Variants in ZBTB1 observed in about 807,000 individuals in gnomAD.
ZBTB1 encodes the protein zinc finger and BTB domain containing 1, also known as zinc finger and BTB domain-containing protein 1.
Under a neutral mutation model 51.6 loss-of-function variants are expected in ZBTB1, and 13 were observed. The ratio of observed to expected loss-of-function variants is 0.25; its 90% CI spans 0.16 to 0.40. The LOEUF (loss-of-function observed/expected upper bound fraction) is 0.40, where lower values mean the gene tolerates loss of function less well. Among genes scored for constraint, ZBTB1 ranks in the 10% least tolerant of loss-of-function variants. The pLI is 1.00. For missense variants in ZBTB1, 567 were observed against 856.5 expected (o/e 0.66, Z 4.22); for synonymous variants, 240 against 282.2 (o/e 0.85, Z 1.50).
At chr14:64,518,935 T>G (rs1449273537) in intron 1 of ZBTB1, among the ~76,000 whole-genome samples, 1 of 138,588 alleles carries the variant, frequency 7.2e-6, no homozygotes, top group African/African-American at 2.6e-5. Flanking sequence ...TATATATATA[T>G]AGTATGATAC....
In ZBTB1 at chr14:64,522,986, T is replaced by C. The variant is rs747383113; in HGVS notation, c.1482T>C (p.Pro494=). The C allele has an allele frequency of 2.5e-6, 4 of 1,614,220 alleles. No homozygotes were observed. Among genetic ancestry groups the C allele is most frequent in the Non-Finnish European group, 3.4e-6 (4 of 1,180,038 alleles). The change falls in exon 2 of 2, where the codon CCT becomes CCC. Residue 494 remains proline (P), a synonymous_variant. Transcript: ENST00000683701. The part of the protein sequence containing the change: ...TEEKMDLEEN[P]DEQSEIRDMF... The stretch of plus-strand genomic sequence containing the variant: ...AGAAAATGGACTTGGAAGAGAATCC[T>C]GATGAGCAGTCCGAAATAAGAGATA...
At chr14:64,518,208 T>A (rs1472000286) in intron 1 of ZBTB1, 1 of 152,152 alleles carries the variant, frequency 6.6e-6, no homozygotes, top group Non-Finnish European at 1.5e-5. Context: ...TAAGACTCCT[T>A]TTTTTACTAG....
upstream of ZBTB1, chr14:64,504,738 C>T: frequency 2.7e-6 from 1 of 374,322 alleles, no homozygotes; most frequent in Non-Finnish European, 4.7e-6. Flanking sequence ...TGCGGTGCGG[C>T]AGGCGCGGCT....
chr14:64,521,766 A>G lies in ZBTB1; in HGVS notation c.262A>G (p.Met88Val). Residue 88 changes from methionine to valine, a missense_variant, in exon 2 of 2, where the codon ATG becomes GTG. Coordinates refer to ENST00000683701, the MANE Select transcript of ZBTB1 (RefSeq NM_001123329.2). ...ILQFMYLGKI[M>V]TAPSSFEQFK... The stretch of plus-strand genomic sequence containing the variant: ...GCAGTTTATGTATTTAGGAAAAATT[A>G]TGACAGCTCCCTCCAGTTTTGAGCA... The G allele has an allele frequency of 1.9e-6, 3 of 1,612,596 alleles. No homozygotes were observed. Among genetic ancestry groups the G allele is most frequent in the Non-Finnish European group, 2.5e-6 (3 of 1,180,040 alleles).
downstream of ZBTB1, among the ~76,000 whole-genome samples, chr14:64,525,694 T>A (rs1172516609): frequency 6.6e-6 from 1 of 152,148 alleles, no homozygotes; most frequent in African/African-American, 2.4e-5. Context: ...GGGGCTTAAT[T>A]TAGTCTTTTG....
chr14:64,505,132 C>G, intron 1 of ZBTB1, 186 bp downstream of exon 1: 1 of 342,116 alleles, frequency 2.9e-6, no homozygotes. Flanking sequence ...GTTGCCGGCG[C>G]GTCAGGTCCC....
upstream of ZBTB1, among the ~76,000 whole-genome samples, chr14:64,504,295 A>ACGGGGCAGGGCGAGGTTGC (rs2079598423): frequency 6.6e-6 from 1 of 151,888 alleles, no homozygotes; most frequent in African/African-American, 2.4e-5. Flanking sequence ...CCCTGAACCG[A>ACGGGGCAGGGCGAGGTTGC]CGGGGCAGGG....
At chr14:64,507,071 G>T (rs2079671450) in intron 1 of ZBTB1, among the ~76,000 whole-genome samples, 1 of 152,122 alleles carries the variant, frequency 6.6e-6, no homozygotes, top group Non-Finnish European at 1.5e-5. Flanking sequence ...TTTCAGACTT[G>T]CCCTCTAGCC....
exon 3 of ZBTB1, chr14:64,532,162 T>TACA: frequency 2.6e-6 from 1 of 387,428 alleles, no homozygotes; most frequent in Middle Eastern, 4.3e-4. Context: ...AGAAAATTCA[T>TACA]ACAACATCAG....
rs372364671 is a variant in ZBTB1 at position 64,523,488 on chromosome 14, A to G, written c.1984A>G (p.Thr662Ala). The stretch of plus-strand genomic sequence containing the variant: ...GATTTCTCATTTATCTGCTGGTGAG[A>G]CTATATGCCAGGTCTGCTTTCAGAT... ...HMISHLSAGETICQVCFQIFP... is the reference protein window; with the variant it reads ...HMISHLSAGEAICQVCFQIFP... Residue 662 changes from threonine to alanine, a missense_variant, in exon 2 of 2, where the codon ACT (threonine) becomes GCT (alanine). Thr to Ala is a moderately conservative substitution (Grantham distance 58, BLOSUM62 0). Around this residue, in one of 5 missense-constraint regions of ZBTB1, gnomAD observed 69 missense variants for 171.8 expected, o/e 0.40. Coordinates refer to ENST00000683701, the MANE Select transcript of ZBTB1 (RefSeq NM_001123329.2). This position sits in a 1 kb window ranked among gnomAD's most constrained non-coding sequence, Gnocchi z 4.5. 2.5e-5 allele frequency: 41 copies of G among 1,612,788 alleles called. No individual in the cohort carries two copies. The highest frequency in any genetic ancestry group is 3.5e-5 in the Non-Finnish European group (41 of 1,179,318).
chr14:64,508,510 C>T (rs138561657), intron 1 of ZBTB1, among the ~76,000 whole-genome samples: 1 of 152,256 alleles, frequency 6.6e-6, no homozygotes, highest in East Asian at 1.9e-4. Flanking sequence ...TCCAAAGGGG[C>T]ACTTCAGCTA....
At chr14:64,518,224 CA>C (rs2079816458) in intron 1 of ZBTB1, 1 of 152,110 alleles carries the variant, frequency 6.6e-6, no homozygotes, top group African/African-American at 2.4e-5. Context: ...ACTAGGCATT[CA>C]AATGAGAAGT....
chr14:64,523,301 T>A lies in ZBTB1; in HGVS notation c.1797T>A (p.Val599=). 1.2e-6 allele frequency: 2 copies of A among 1,614,198 alleles called. No individual in the cohort carries two copies. Among genetic ancestry groups the A allele is most frequent in the South Asian group, 2.2e-5 (2 of 91,080 alleles). Residue 599 remains valine, a synonymous_variant, in exon 2 of 2, where the codon GTT becomes GTA. Coordinates refer to ENST00000683701, the MANE Select transcript of ZBTB1 (RefSeq NM_001123329.2). The surrounding 1 kb of genome is among the most constrained non-coding windows in gnomAD (Gnocchi z 4.5). The part of the protein sequence containing the change: ...QRCHLREHYT[V]HTKEKQFVCQ... Reference sequence around the variant, plus strand: ...GTCACTTAAGAGAACACTATACTGTTCATACTAAGGAAAAACAGTTTGTTT... The same window carrying A: ...GTCACTTAAGAGAACACTATACTGTACATACTAAGGAAAAACAGTTTGTTT...
At position 64,521,884 on chromosome 14, in the gene ZBTB1, C is replaced by T. The variant is rs758535582; in HGVS notation, c.380C>T (p.Ser127Phe). ...QDADCSSSKC[S>F]SSASSKQNSK... is the part of the protein sequence containing the mutation. ...GCAGATTGTTCTAGTTCAAAATGTT[C>T]CTCTTCTGCTTCCAGCAAACAGAAC... Residue 127 changes from serine to phenylalanine, a missense_variant, in exon 2 of 2, where the codon TCC becomes TTC. Transcript: ENST00000683701. 6.2e-7 allele frequency: 1 copy of T among 1,613,644 alleles called. No individual in the cohort carries two copies. Among genetic ancestry groups the T allele is most frequent in the Middle Eastern group, 1.7e-4 (1 of 6,060 alleles).
chr14:64,508,331 TTGAATC>T (rs1189829454), intron 1 of ZBTB1, among the ~76,000 whole-genome samples: 6 of 152,080 alleles, frequency 3.9e-5, no homozygotes. Flanking sequence ...CATCCCCACT[TTGAATC>T]TGAAGTATTA....
rs762114031 is a variant in ZBTB1 at position 64,521,866 on chromosome 14, G to C, written c.362G>C (p.Cys121Ser). The C allele has an allele frequency of 1.9e-6, 3 of 1,613,150 alleles. No individual in the cohort carries two copies. Among genetic ancestry groups the C allele is most frequent in the South Asian group, 2.2e-5 (2 of 91,082 alleles). Residue 121 changes from cysteine (C) to serine (S), a missense_variant, in exon 2 of 2, where the codon TGT (cysteine) becomes TCT (serine). Transcript: ENST00000683701. ...TTAGAAGACATCCAGGATGCAGATT[G>C]TTCTAGTTCAAAATGTTCCTCTTCT... ...DCLEDIQDAD[C>S]SSSKCSSSAS... is the part of the protein sequence containing the mutation.
In ZBTB1 at chr14:64,522,404, A is replaced by C; in HGVS notation, c.900A>C (p.Gly300=). Residue 300 remains glycine (G), a synonymous_variant, in exon 2 of 2, where the codon GGA becomes GGC. Transcript: ENST00000683701. ...CTGATGATTCAGCTTCAACCACTGG[A>C]AGCAGAAAAAGTAGCACAGTGGAGT... is the stretch of plus-strand genomic sequence containing the variant. ...QAADDSASTT[G]SRKSSTVESE... is the part of the protein sequence containing the mutation. 6.2e-7 allele frequency: 1 copy of C among 1,614,180 alleles called. No homozygotes were observed. Among genetic ancestry groups the C allele is most frequent in the Non-Finnish European group, 8.5e-7 (1 of 1,180,032 alleles).
chr14:64,522,695 T>G lies in ZBTB1; in HGVS notation c.1191T>G (p.Asp397Glu). The G allele has an allele frequency of 6.2e-7, 1 of 1,614,100 alleles. No individual in the cohort carries two copies. The highest frequency in any genetic ancestry group is 8.5e-7 in the Non-Finnish European group (1 of 1,179,994). ...TLKPRMSVSA[D>E]ERGGLENMRP... is the part of the protein sequence containing the mutation. ...AACCTCGAATGTCAGTAAGTGCTGA[T>G]GAAAGAGGTGGTTTAGAGAATATGA... is the stretch of plus-strand genomic sequence containing the variant. Residue 397 changes from aspartate to glutamate, a missense_variant, in exon 2 of 2, where the codon GAT becomes GAG. Physicochemically the swap from Asp to Glu is conservative, Grantham distance 45. This residue lies in a region of ZBTB1 where 329 missense variants were observed against 406.3 expected (regional missense o/e 0.81). Coordinates refer to ENST00000683701, the MANE Select transcript of ZBTB1 (RefSeq NM_001123329.2).
chr14:64,525,022 A>C, downstream of ZBTB1: 1 of 775,330 alleles, frequency 1.3e-6, no homozygotes, highest in Non-Finnish European at 1.6e-6. Context: ...TTAACTCCTA[A>C]TTTTAAAAAT....
Sources: allele counts gnomAD v4.1 joint callset (sites outside exome capture counted in the v4.1 genomes callset), GRCh38; gene constraint gnomAD v4.1.1; regional missense constraint gnomAD v4.1.1; non-coding constraint Gnocchi (gnomAD v3.1); transcripts MANE v1.5; gene names NCBI Gene and HGNC (gene_info 2026-07-23, HGNC 2026-07-21).